ASGR2: variants seen among roughly 807,000 people sequenced by gnomAD.
The protein encoded by ASGR2 is asialoglycoprotein receptor 2.
In ASGR2, 34 loss-of-function variants were observed where a neutral mutation model predicts 32.3. That is an observed-to-expected ratio of 1.05 (90% CI 0.80 to 1.40). The LOEUF (loss-of-function observed/expected upper bound fraction) is 1.40, where lower values mean the gene tolerates loss of function less well. ASGR2 is among the 40% of genes most tolerant of loss of function. The pLI, the probability that ASGR2 is intolerant of heterozygous loss-of-function variation, is 0.00. For synonymous variants in ASGR2, 143 were observed against 150.0 expected, an observed-to-expected ratio of 0.95 and a Z score of 0.34; for missense variants, 385 against 386.4, an observed-to-expected ratio of 1.00 and a Z score of 0.03.
At chr17:7,101,862 A>C in intron 8 of ASGR2, 122 bp from the exon 9 acceptor site, 1 of 1,345,288 alleles carries the variant, frequency 7.4e-7, no homozygotes, top group Non-Finnish European at 1.0e-6. Context: ...GTGCCCTGCT[A>C]CCCAGTCTGG....
rs1915050981 is a variant in ASGR2, at chr17:7,113,563, T to TC, written c.124+553_124+554insG. On this transcript the variant is annotated intron_variant, in intron 2 of 8. Transcript: ENST00000691900. The surrounding 1 kb of genome is among the most constrained non-coding windows in gnomAD (Gnocchi z 5.1). ...ATACACAACATACATACACACAACA[T>TC]ACACACAACATACACACACTCACAT... 1.6e-5 allele frequency among the ~76,000 whole-genome samples: 2 copies of TC among 126,558 alleles called. No homozygotes were observed. Among genetic ancestry groups the TC allele is most frequent in the South Asian group, 2.5e-4 (1 of 4,004 alleles). The allele number at this position is 126,558 out of a possible 152,430, so 83.0% of individuals were successfully genotyped here. A position where few individuals can be genotyped will look rare whatever the true frequency, so the allele number is the denominator to read the frequency against.
At chr17:7,111,695 A>G (rs1481813129) in intron 2 of ASGR2, among the ~76,000 whole-genome samples, 1 of 150,754 alleles carries the variant, frequency 6.6e-6, no homozygotes, top group Non-Finnish European at 1.5e-5. Context: ...GAAAAAACAC[A>G]CTGGATGGAA....
In ASGR2 at chr17:7,114,415, G is replaced by A. The variant is rs919983818; in HGVS notation, c.-70-105C>T. 3.2e-5 allele frequency: 46 copies of A among 1,430,902 alleles called. No individual in the cohort carries two copies. Among genetic ancestry groups the A allele is most frequent in the Middle Eastern group, 5.2e-4 (2 of 3,880 alleles). 88.6% of individuals were successfully genotyped at this position (1,430,902 alleles called of 1,614,324 possible). ...GGGTAGGATCTGAGGTTGGCAGGGC[G>A]TTTGGGATGAGGTTTGAAATCCCGC... is the stretch of plus-strand genomic sequence containing the variant. On this transcript the variant is annotated intron_variant, in intron 1 of 8. Transcript: ENST00000691900. The surrounding 1 kb of genome is among the most constrained non-coding windows in gnomAD (Gnocchi z 4.5).
upstream of ASGR2, chr17:7,115,029 T>A (rs746428372): frequency 1.2e-5 from 12 of 983,588 alleles, no homozygotes; most frequent in Non-Finnish European, 1.4e-5. This position sits in a 1 kb window ranked among gnomAD's most constrained non-coding sequence, Gnocchi z 4.2. Flanking sequence ...TCCCTCCCCC[T>A]CTCACTTCCT....
In ASGR2 at chr17:7,101,536, G is replaced by C. The variant is rs1369416986; in HGVS notation, c.*39C>G. On this transcript the variant is annotated 3_prime_UTR_variant, in exon 9 of 9. Coordinates refer to ENST00000691900, the MANE Select transcript of ASGR2 (RefSeq NM_001201352.2). Reference sequence around the variant, plus strand: ...TCCTCAACAGAGAAGCCAGAGCTGGGCAGGTGTGGGGTATGGGTTAGCCAG... The same window carrying C: ...TCCTCAACAGAGAAGCCAGAGCTGGCCAGGTGTGGGGTATGGGTTAGCCAG... 6.3e-7 allele frequency: 1 copy of C among 1,595,772 alleles called. No individual in the cohort carries two copies. The highest frequency in any genetic ancestry group is 1.7e-5 in the Admixed American group (1 of 58,484).
Position 7,114,662 on chromosome 17 carries a change from G to A in ASGR2, c.-118C>T, listed in dbSNP as rs370857015. ...ACACCTGGCTCCCGCAGGCAACCCT[G>A]GCCTTGGCCAAGGAGGGGTTAAAGC... is the stretch of plus-strand genomic sequence containing the variant. On this transcript the variant is annotated 5_prime_UTR_variant, in exon 1 of 9. Transcript: ENST00000691900. This position sits in a 1 kb window ranked among gnomAD's most constrained non-coding sequence, Gnocchi z 4.5. The A allele has an allele frequency of 5.8e-6, 6 of 1,027,720 alleles. No individual in the cohort carries two copies. The African/African-American group carries it at 1.0e-4, about 18-fold the overall frequency. The allele number at this position is 1,027,720 out of a possible 1,614,324, so 63.7% of individuals were successfully genotyped here. A position where few individuals can be genotyped will look rare whatever the true frequency, so the allele number is the denominator to read the frequency against.
At chr17:7,112,636 G>A (rs1914864124) in intron 2 of ASGR2, among the ~76,000 whole-genome samples, 1 of 152,198 alleles carries the variant, frequency 6.6e-6, no homozygotes, top group Non-Finnish European at 1.5e-5. Context: ...CTGGTGGGAA[G>A]TCCAGCCAGC....
chr17:7,114,711 C>G lies in ASGR2; in HGVS notation c.-167G>C. The G allele has an allele frequency of 9.9e-7, 1 of 1,014,966 alleles. No individual in the cohort carries two copies. The highest frequency in any genetic ancestry group is 1.2e-6 in the Non-Finnish European group (1 of 847,232). The allele number at this position is 1,014,966 out of a possible 1,614,324, so 62.9% of individuals were successfully genotyped here. A position where few individuals can be genotyped will look rare whatever the true frequency, so the allele number is the denominator to read the frequency against. Reference sequence around the variant, plus strand: ...GCCAGGAGAACTGGGGCAGGTGGAGCTCACAGGGGAGAGGAGAGTGGAGGA... The same window carrying G: ...GCCAGGAGAACTGGGGCAGGTGGAGGTCACAGGGGAGAGGAGAGTGGAGGA... On this transcript the variant is annotated 5_prime_UTR_variant, in exon 1 of 9. Coordinates refer to ENST00000691900, the MANE Select transcript of ASGR2 (RefSeq NM_001201352.2). The surrounding 1 kb of genome is among the most constrained non-coding windows in gnomAD (Gnocchi z 4.5).
rs1294869282 is a variant in ASGR2 at position 7,107,305 on chromosome 17, A to G, written c.422T>C (p.Leu141Pro). 1.2e-6 allele frequency: 2 copies of G among 1,613,332 alleles called. No individual in the cohort carries two copies. The highest frequency in any genetic ancestry group is 1.7e-6 in the Non-Finnish European group (2 of 1,180,018). Residue 141 changes from leucine (L) to proline (P), a missense_variant, in exon 6 of 9, where the codon CTG becomes CCG. Transcript: ENST00000691900. This position sits in a 1 kb window ranked among gnomAD's most constrained non-coding sequence, Gnocchi z 5.0. ...QQDLKADHDA[L>P]LFHLKHFPVD... is the part of the protein sequence containing the mutation. ...GGGGAAGTGCTTCAGATGGAAGAGC[A>G]GGGCATCGTGATCTAGGACAGACAG...
At chr17:7,104,056 TA>T (rs148712787) in intron 7 of ASGR2, among the ~76,000 whole-genome samples, 27 of 144,916 alleles carry the variant, frequency 1.9e-4, no homozygotes, top group South Asian at 4.4e-4. Flanking sequence ...AGCTACATAC[TA>T]AAAAAAAAAG....
At chr17:7,103,785 T>A (rs777779554) in intron 7 of ASGR2, among the ~76,000 whole-genome samples, 31 of 152,254 alleles carry the variant, frequency 2.0e-4, no homozygotes, top group African/African-American at 6.3e-4. Flanking sequence ...CAGTTTCTTT[T>A]TTATTATTAT....
intron 7 of ASGR2, among the ~76,000 whole-genome samples, chr17:7,104,709 GC>G (rs1247211611): frequency 6.6e-6 from 1 of 151,170 alleles, no homozygotes; most frequent in African/African-American, 2.4e-5. Context: ...GGGCGTGGTG[GC>G]TCACACCTGT....
At position 7,107,894 on chromosome 17, in the gene ASGR2, A is replaced by G; in HGVS notation, c.351T>C (p.Gly117=). 1 of 1,613,488 alleles carries G rather than the reference A, an allele frequency of 6.2e-7. No individual in the cohort carries two copies. Among genetic ancestry groups the G allele is most frequent in the Non-Finnish European group, 8.5e-7 (1 of 1,179,938 alleles). Residue 117 remains glycine (G), a synonymous_variant, in exon 5 of 9, where the codon GGT becomes GGC. Coordinates refer to ENST00000691900, the MANE Select transcript of ASGR2 (RefSeq NM_001201352.2). This position sits in a 1 kb window ranked among gnomAD's most constrained non-coding sequence, Gnocchi z 5.0. ...QAISTHGGSV[G]DKITSLGAKL... is the part of the protein sequence containing the mutation. ...TGGCTCCTAGGGATGTGATCTTGTCACCCACGCTGCCTCCTGGAAGCGGAA... is the reference window on the plus strand; with the variant it reads ...TGGCTCCTAGGGATGTGATCTTGTCGCCCACGCTGCCTCCTGGAAGCGGAA...
rs1002652796 is a variant in ASGR2, at chr17:7,104,380, A to G, written c.649-2184T>C. Among the ~76,000 whole-genome samples, 6 of 140,520 alleles carry G rather than the reference A, an allele frequency of 4.3e-5. No individual in the cohort carries two copies. In the South Asian group the frequency reaches 1.2e-3, roughly 27 times the overall value. 92.2% of individuals were successfully genotyped at this position (140,520 alleles called of 152,430 possible). On this transcript the variant is annotated intron_variant, in intron 7 of 8. Coordinates refer to ENST00000691900, the MANE Select transcript of ASGR2 (RefSeq NM_001201352.2). ...AAAAAAAAAAAAAAAAGCCAGGCGT[A>G]GTGGCTCATGCCTGTAATCCTAGCA...
intron 8 of ASGR2, 66 bp from the exon 9 acceptor site, chr17:7,101,806 C>G (rs1912861816): frequency 6.4e-7 from 1 of 1,564,110 alleles, no homozygotes; most frequent in Non-Finnish European, 8.7e-7. Context: ...CCATCCTCCT[C>G]CTCTTCATGA....
intron 2 of ASGR2, among the ~76,000 whole-genome samples, chr17:7,109,541 G>T (rs1051683114): frequency 1.5e-4 from 23 of 151,806 alleles, no homozygotes; most frequent in African/African-American, 5.6e-4. Flanking sequence ...CCTCCCCAGC[G>T]CCCTTTGCCC....
Position 7,107,898 on chromosome 17 carries a change from A to G in ASGR2, c.347T>C (p.Val116Ala), listed in dbSNP as rs780566793. The G allele has an allele frequency of 1.8e-5, 29 of 1,613,476 alleles. No individual in the cohort carries two copies. The South Asian group carries it at 2.3e-4, about 13-fold the overall frequency. Residue 116 changes from valine (V) to alanine (A), a missense_variant, in exon 5 of 9, where the codon GTG becomes GCG. Coordinates refer to ENST00000691900, the MANE Select transcript of ASGR2 (RefSeq NM_001201352.2). This position sits in a 1 kb window ranked among gnomAD's most constrained non-coding sequence, Gnocchi z 5.0. ...TCCTAGGGATGTGATCTTGTCACCC[A>G]CGCTGCCTCCTGGAAGCGGAAAGCC... ...VQAISTHGGSVGDKITSLGAK... is the reference protein window; with the variant it reads ...VQAISTHGGSAGDKITSLGAK...
intron 2 of ASGR2, among the ~76,000 whole-genome samples, chr17:7,109,686 ACT>A: frequency 6.6e-6 from 1 of 151,830 alleles, no homozygotes; most frequent in South Asian, 2.1e-4. Context: ...GCCCTCACAA[ACT>A]CACACACACT....
chr17:7,101,456 C>A lies in ASGR2; in HGVS notation c.*119G>T, dbSNP rs559865245. The stretch of plus-strand genomic sequence containing the variant: ...GACTCTTAAACTACCTCCTTTCTCT[C>A]TTTGCTCAGCTCTTCCCCATACCCC... On this transcript the variant is annotated 3_prime_UTR_variant, in exon 9 of 9. Transcript: ENST00000691900. 1.2e-5 allele frequency: 16 copies of A among 1,361,754 alleles called. No individual in the cohort carries two copies. In the African/African-American group the frequency reaches 2.0e-4, roughly 17 times the overall value. 84.4% of individuals were successfully genotyped at this position (1,361,754 alleles called of 1,614,324 possible).
Sources: allele counts gnomAD v4.1 joint callset (sites outside exome capture counted in the v4.1 genomes callset), GRCh38; gene constraint gnomAD v4.1.1; non-coding constraint Gnocchi (gnomAD v3.1); transcripts MANE v1.5; gene names NCBI Gene and HGNC (gene_info 2026-07-23, HGNC 2026-07-21).